Variants in PDZD2 observed in about 807,000 individuals in gnomAD.
The protein encoded by PDZD2 is PDZ domain containing 2.
Under a neutral mutation model 220.7 loss-of-function variants are expected in PDZD2, and 90 were observed. That is an observed-to-expected ratio of 0.41 (90% confidence interval 0.34 to 0.49). The LOEUF is 0.49. PDZD2 is among the 20% of genes least tolerant of loss of function. The pLI is 0.28. For missense variants in PDZD2, 3,174 were observed against 3,608.5 expected (o/e 0.88, Z 3.08); for synonymous variants, 1,375 against 1,450.5 (o/e 0.95, Z 1.18).
intron 1 of PDZD2, among the ~76,000 whole-genome samples, chr5:31,767,647 G>T (rs746601734): frequency 6.6e-6 from 1 of 152,142 alleles, no homozygotes; most frequent in Non-Finnish European, 1.5e-5. Flanking sequence ...AGATCAGTCC[G>T]TCAACGTAAG....
chr5:31,947,320 A>G (rs778674351), intron 2 of PDZD2, among the ~76,000 whole-genome samples: 7 of 152,186 alleles, frequency 4.6e-5, no homozygotes, highest in African/African-American at 9.7e-5. Context: ...TATGCAGGGT[A>G]CAGAAACAAA....
chr5:32,043,275 T>C (rs1737596638), intron 7 of PDZD2, among the ~76,000 whole-genome samples: 1 of 152,184 alleles, frequency 6.6e-6, no homozygotes, highest in Non-Finnish European at 1.5e-5. Flanking sequence ...CACAAATGGA[T>C]GCCACCCTCT....
intron 2 of PDZD2, among the ~76,000 whole-genome samples, chr5:31,918,218 C>T (rs914201350): frequency 6.6e-6 from 1 of 152,190 alleles, no homozygotes; most frequent in Non-Finnish European, 1.5e-5. Context: ...CCTCCTCCAA[C>T]AATGGGGATT....
chr5:31,892,647 A>G (rs1213108530), intron 2 of PDZD2, among the ~76,000 whole-genome samples: 1 of 149,882 alleles, frequency 6.7e-6, no homozygotes, highest in East Asian at 2.0e-4. Context: ...AGCTCACTGC[A>G]GCCTCGACAT....
At chr5:31,731,211 C>T (rs774321071) in intron 1 of PDZD2, among the ~76,000 whole-genome samples, 8 of 152,154 alleles carry the variant, frequency 5.3e-5, no homozygotes, top group Admixed American at 2.6e-4. Flanking sequence ...ATCCAGGAAA[C>T]GGCTGTGGTT....
At chr5:31,675,293 C>T (rs772150606) in intron 1 of PDZD2, among the ~76,000 whole-genome samples, 9 of 152,144 alleles carry the variant, frequency 5.9e-5, no homozygotes, top group Admixed American at 2.0e-4. Context: ...TCCTTCTCCC[C>T]GCTCCCACCC....
rs1398848295 is a variant in PDZD2, at chr5:32,024,000, C to T, written c.1408-13231C>T. ...ATCTACACCATCTACACTACCTGCC[C>T]GTTAGTCACTACGTAGCCAGCTCCA... is the stretch of plus-strand genomic sequence containing the variant. On this transcript the variant is annotated intron_variant, in intron 6 of 24. Coordinates refer to ENST00000438447, the MANE Select transcript of PDZD2 (RefSeq NM_178140.4). Among the ~76,000 whole-genome samples the T allele has an allele frequency of 5.9e-5, 9 of 152,358 alleles. No individual in the cohort carries two copies. The East Asian group carries it at 9.6e-4, about 16-fold the overall frequency.
chr5:31,861,666 T>C (rs1411013623), intron 2 of PDZD2, among the ~76,000 whole-genome samples: 1 of 152,164 alleles, frequency 6.6e-6, no homozygotes, highest in East Asian at 1.9e-4. Context: ...TTCATGCTTC[T>C]GCTTGTGAAA....
intron 2 of PDZD2, among the ~76,000 whole-genome samples, chr5:31,872,028 C>G (rs1414067047): frequency 8.1e-6 from 1 of 123,816 alleles, no homozygotes; most frequent in Admixed American, 8.2e-5. Context: ...AATATATTTT[C>G]TTTGAAATCA....
In PDZD2 at chr5:32,061,039, G is replaced by T; in HGVS notation, c.2356G>T (p.Val786Phe). The change falls in exon 14 of 25, where the codon GTC becomes TTC. Residue 786 changes from valine to phenylalanine, a missense_variant. Coordinates refer to ENST00000438447, the MANE Select transcript of PDZD2 (RefSeq NM_178140.4). ...AATCCTGGAAGTGAACTCCGTCAAC[G>T]TCCGCCATGCTGCTTTAAGCAAAGT... ...DQILEVNSVN[V>F]RHAALSKVHA... The T allele has an allele frequency of 6.2e-7, 1 of 1,614,078 alleles. No individual in the cohort carries two copies. The highest frequency in any genetic ancestry group is 8.5e-7 in the Non-Finnish European group (1 of 1,179,940).
intron 10 of PDZD2, among the ~76,000 whole-genome samples, 190 bp downstream of exon 10, chr5:32,054,073 G>A (rs1366521176): frequency 6.6e-6 from 1 of 152,124 alleles, no homozygotes; most frequent in African/African-American, 2.4e-5. Context: ...GCCTTGAAGA[G>A]TCGTTGTCAG....
At position 32,108,578 on chromosome 5, in the gene PDZD2, A is replaced by AT. The variant is rs1422981634; in HGVS notation, c.*447dup. The AT allele has an allele frequency of 1.0e-5, 1 of 100,012 alleles. No homozygotes were observed. Among genetic ancestry groups the AT allele is most frequent in the Non-Finnish European group, 2.3e-5 (1 of 42,628 alleles). The allele number at this position is 100,012 out of a possible 1,614,324, so 6.2% of individuals were successfully genotyped here. A position where few individuals can be genotyped will look rare whatever the true frequency, so the allele number is the denominator to read the frequency against. ...AGAGGACAATCAATCATTTTGTATG[A>AT]TTTTGTAAGTAAATGACAGAATGCT... On this transcript the variant is annotated 3_prime_UTR_variant, in exon 25 of 25. Coordinates refer to ENST00000438447, the MANE Select transcript of PDZD2 (RefSeq NM_178140.4).
In PDZD2 at chr5:31,736,153, C is replaced by T. The variant is rs61147281; in HGVS notation, c.-360-62736C>T. Among the ~76,000 whole-genome samples the T allele has an allele frequency of 1.4e-3, 218 of 152,234 alleles. 2 individuals carry two copies. The highest frequency in any genetic ancestry group is 5.1e-3 in the African/African-American group (213 of 41,534). ...AGCTATTCACTGGGTGGAAAATATTCTTCAATAAAATATTTGATGACTTGA... is the reference window on the plus strand; with the variant it reads ...AGCTATTCACTGGGTGGAAAATATTTTTCAATAAAATATTTGATGACTTGA... On this transcript the variant is annotated intron_variant, in intron 1 of 24. Coordinates refer to ENST00000438447, the MANE Select transcript of PDZD2 (RefSeq NM_178140.4).
intron 2 of PDZD2, among the ~76,000 whole-genome samples, chr5:31,878,652 C>T (rs900205005): frequency 1.8e-4 from 26 of 146,352 alleles, no homozygotes; most frequent in Non-Finnish European, 3.3e-4. Flanking sequence ...CTCCGCCCCC[C>T]GGGGTTCACG....
In PDZD2 at chr5:32,091,055, G is replaced by A. The variant is rs370513805; in HGVS notation, c.7607G>A (p.Gly2536Glu). The A allele has an allele frequency of 1.7e-5, 28 of 1,613,702 alleles. No individual in the cohort carries two copies. The highest frequency in any genetic ancestry group is 2.4e-5 in the Non-Finnish European group (28 of 1,179,840). The change falls in exon 20 of 25, where the codon GGG (glycine) becomes GAG (glutamate). Residue 2536 changes from glycine to glutamate, a missense_variant. This residue lies in a region of PDZD2 where 631 missense variants were observed against 789.9 expected (regional missense o/e 0.80). Coordinates refer to ENST00000438447, the MANE Select transcript of PDZD2 (RefSeq NM_178140.4). Reference protein sequence around the residue: ...AGGVSCPEKGGNRACPGGSGP... With the variant: ...AGGVSCPEKGENRACPGGSGP... ...GGCGTTTCGTGTCCCGAGAAGGGCG[G>A]GAACAGGGCCTGTCCAGGAGGAAGT...
chr5:31,822,733 G>T, intron 2 of PDZD2: 1 of 1,218,384 alleles, frequency 8.2e-7, no homozygotes, highest in South Asian at 1.2e-5. Context: ...TTGAGATACT[G>T]AACAAGGAAC....
chr5:32,076,288 GA>G (rs67898034), intron 18 of PDZD2, among the ~76,000 whole-genome samples: 26,851 of 88,246 alleles, frequency 0.3, 2,193 homozygotes, highest in Middle Eastern at 0.39. Context: ...TCGGTCTCAA[GA>G]AAAAAAAAAA....
At chr5:31,960,455 C>T (rs1159137318) in intron 2 of PDZD2, among the ~76,000 whole-genome samples, 1 of 152,130 alleles carries the variant, frequency 6.6e-6, no homozygotes, top group Non-Finnish European at 1.5e-5. Flanking sequence ...GGTGGTCTGC[C>T]GCCTCGGCCT....
At chr5:31,950,469 G>A (rs1019502213) in intron 2 of PDZD2, among the ~76,000 whole-genome samples, 2 of 152,066 alleles carry the variant, frequency 1.3e-5, no homozygotes, top group African/African-American at 4.8e-5. Flanking sequence ...GGGAAGACAG[G>A]GTGAGGATTG....
Sources: allele counts gnomAD v4.1 joint callset (sites outside exome capture counted in the v4.1 genomes callset), GRCh38; gene constraint gnomAD v4.1.1; regional missense constraint gnomAD v4.1.1; transcripts MANE v1.5; gene names NCBI Gene and HGNC (gene_info 2026-07-23, HGNC 2026-07-21).